Variants in ITPR2 observed in about 807,000 individuals in gnomAD.
The protein encoded by ITPR2 is inositol 1,4,5-trisphosphate-gated calcium channel ITPR2.
ITPR2 carries 207 observed loss-of-function variants against 317.1 expected under a neutral mutation model. That is an observed-to-expected ratio of 0.65 (90% CI 0.58 to 0.73). The LOEUF (loss-of-function observed/expected upper bound fraction) is 0.73. Ranked by LOEUF, ITPR2 falls within the 30% of genes least tolerant of loss-of-function variation. The probability of loss-of-function intolerance (pLI) is 0.00; values close to 1 mark genes in which losing one functional copy is unlikely to be tolerated. For missense variants in ITPR2, 2,613 were observed against 3,284.0 expected (o/e 0.80, Z 4.99); for synonymous variants, 1,156 against 1,149.1 (o/e 1.01, Z -0.12).
chr12:26,781,606 G>C (rs534928472), intron 2 of ITPR2, among the ~76,000 whole-genome samples: 2 of 152,146 alleles, frequency 1.3e-5, no homozygotes, highest in South Asian at 4.2e-4. Context: ...GATGTTTATG[G>C]GTTCAAGTTG....
chr12:26,525,579 A>C (rs2136948522), intron 37 of ITPR2, among the ~76,000 whole-genome samples: 1 of 152,324 alleles, frequency 6.6e-6, no homozygotes, highest in South Asian at 2.1e-4. Context: ...CCCTCTCTAT[A>C]TGTTTGTTTT....
At chr12:26,447,049 C>A (rs2136748569) in intron 45 of ITPR2, among the ~76,000 whole-genome samples, 1 of 152,124 alleles carries the variant, frequency 6.6e-6, no homozygotes, top group Non-Finnish European at 1.5e-5. Context: ...ACTATTATTT[C>A]TCTCCAGTGG....
rs1322691336 is a variant in ITPR2, at chr12:26,336,291, T to G, written c.*3106A>C. 6.6e-6 allele frequency among the ~76,000 whole-genome samples: 1 copy of G among 152,100 alleles called. No homozygotes were observed. Among genetic ancestry groups the G allele is most frequent in the Admixed American group, 6.5e-5 (1 of 15,278 alleles). On this transcript the variant is annotated 3_prime_UTR_variant, in exon 57 of 57. Transcript: ENST00000381340. ...GTGTGGGCTATACTGCCTTGCTGTT[T>G]GCAATGAAACAATTGTAAAATAAAG...
At chr12:26,620,280 G>C (rs1464325315) in intron 26 of ITPR2, among the ~76,000 whole-genome samples, 2 of 152,202 alleles carry the variant, frequency 1.3e-5, no homozygotes, top group African/African-American at 4.8e-5. Context: ...CCAGTATTTT[G>C]TCCCAAACTT....
intron 54 of ITPR2, among the ~76,000 whole-genome samples, chr12:26,394,438 G>A (rs930893461): frequency 1.1e-4 from 17 of 152,204 alleles, no homozygotes; most frequent in African/African-American, 3.9e-4. Flanking sequence ...GCCTCAGAGA[G>A]AGGGCAGGAG....
At chr12:26,499,578 C>G (rs1222984195) in intron 37 of ITPR2, among the ~76,000 whole-genome samples, 1 of 152,154 alleles carries the variant, frequency 6.6e-6, no homozygotes, top group Admixed American at 6.5e-5. Flanking sequence ...TGGAACAGTT[C>G]CAAACACATA....
rs771865070 is a variant in ITPR2, at chr12:26,556,372, C to T, written c.4825G>A (p.Val1609Ile). 28 of 1,609,742 alleles carry T rather than the reference C, an allele frequency of 1.7e-5. No individual in the cohort carries two copies. The highest frequency in any genetic ancestry group is 1.7e-4 in the Admixed American group (10 of 58,902). Reference protein sequence around the residue: ...YRNIIEKLQDVVASLEHQFSP... With the variant: ...YRNIIEKLQDIVASLEHQFSP... Reference sequence around the variant, plus strand: ...AACTGGTGCTCCAAGGAGGCCACTACATCCTAGGGAATGAAACACAAGAGA... The same window carrying T: ...AACTGGTGCTCCAAGGAGGCCACTATATCCTAGGGAATGAAACACAAGAGA... The change falls in exon 36 of 57, where the codon GTA (valine) becomes ATA (isoleucine). Residue 1609 changes from valine (V) to isoleucine (I), a missense_variant. Physicochemically the swap from Val to Ile is conservative, Grantham distance 29. Transcript: ENST00000381340.
chr12:26,485,923 G>C (rs1257901690), intron 41 of ITPR2, among the ~76,000 whole-genome samples, 181 bp downstream of exon 41: 1 of 152,118 alleles, frequency 6.6e-6, no homozygotes, highest in Non-Finnish European at 1.5e-5. Flanking sequence ...TGCATAAAAG[G>C]ATTTTCTTCT....
At chr12:26,811,684 CA>C (rs34379788) in intron 1 of ITPR2, among the ~76,000 whole-genome samples, 14,510 of 80,114 alleles carry the variant, frequency 0.18, 946 homozygotes, top group Middle Eastern at 0.33. Flanking sequence ...GACTCTGTCT[CA>C]AAAAAAAAAA....
chr12:26,789,412 T>G (rs942405354), intron 2 of ITPR2, among the ~76,000 whole-genome samples: 30 of 152,224 alleles, frequency 2.0e-4, no homozygotes, highest in Admixed American at 1.8e-3. Context: ...TCCGTCTCTC[T>G]CCAGCTTTTA....
At chr12:26,548,758 A>T (rs1393817939) in intron 37 of ITPR2, among the ~76,000 whole-genome samples, 1 of 152,148 alleles carries the variant, frequency 6.6e-6, no homozygotes, top group Non-Finnish European at 1.5e-5. Context: ...GTCTCAGGAA[A>T]CTGCACTCCT....
rs10648602 is a variant in ITPR2 at position 26,544,605 on chromosome 12, G to GACACAC, written c.5073+5636_5073+5641dup. Among the ~76,000 whole-genome samples, 4 of 146,378 alleles carry GACACAC rather than the reference G, an allele frequency of 2.7e-5. No individual in the cohort carries two copies. In the East Asian group the frequency reaches 5.8e-4, roughly 21 times the overall value. ...ACAGACAAACACACAGAGACACACA[G>GACACAC]ACACACACACACACACACACATACA... On this transcript the variant is annotated intron_variant, in intron 37 of 56. Coordinates refer to ENST00000381340, the MANE Select transcript of ITPR2 (RefSeq NM_002223.4).
chr12:26,766,535 T>C (rs1201286192), intron 2 of ITPR2, among the ~76,000 whole-genome samples: 2 of 152,176 alleles, frequency 1.3e-5, no homozygotes, highest in Non-Finnish European at 2.9e-5. Context: ...ACCAGATAAA[T>C]TATTTGGAAA....
At chr12:26,734,374 C>T (rs1179472189) in intron 2 of ITPR2, among the ~76,000 whole-genome samples, 1 of 152,052 alleles carries the variant, frequency 6.6e-6, no homozygotes, top group Non-Finnish European at 1.5e-5. Flanking sequence ...TCCCAGATTC[C>T]TTGCTGAAAT....
intron 37 of ITPR2, among the ~76,000 whole-genome samples, chr12:26,545,774 G>A (rs1307879571): frequency 6.6e-6 from 1 of 152,126 alleles, no homozygotes; most frequent in Non-Finnish European, 1.5e-5. Flanking sequence ...ACCCAAATGG[G>A]TGAGCCATTT....
intron 1 of ITPR2, among the ~76,000 whole-genome samples, chr12:26,819,556 T>C (rs1950908917): frequency 6.6e-6 from 1 of 152,220 alleles, no homozygotes; most frequent in African/African-American, 2.4e-5. Context: ...CAGCAAATTC[T>C]TTTTAAATAA....
At chr12:26,771,575 T>C (rs369681001) in intron 2 of ITPR2, among the ~76,000 whole-genome samples, 1 of 152,152 alleles carries the variant, frequency 6.6e-6, no homozygotes, top group Non-Finnish European at 1.5e-5. Context: ...AGTGCAGCGG[T>C]GCGATCTCGG....
intron 37 of ITPR2, among the ~76,000 whole-genome samples, chr12:26,516,272 G>GA (rs1465769159): frequency 0.052 from 2,253 of 42,932 alleles, 290 homozygotes; most frequent in South Asian, 0.1. Flanking sequence ...GAAAGGAAAG[G>GA]AAGGGAAGGG....
chr12:26,512,184 T>TAAAAAAA (rs55699727), intron 37 of ITPR2, among the ~76,000 whole-genome samples: 1 of 136,256 alleles, frequency 7.3e-6, no homozygotes, highest in African/African-American at 2.8e-5. Context: ...GCTACAAAGA[T>TAAAAAAA]AAAAAAAAAA....
Sources: gnomAD v4.1 joint callset for allele counts (sites outside exome capture counted in the v4.1 genomes callset) on GRCh38, gnomAD v4.1.1 for gene constraint, MANE v1.5 for transcripts, NCBI Gene and HGNC (gene_info 2026-07-23, HGNC 2026-07-21) for gene names.